Variants in G2E3 observed in about 807,000 individuals in gnomAD.
G2E3 encodes the protein G2/M-phase specific E3 ubiquitin protein ligase, also known as G2/M phase-specific E3 ubiquitin-protein ligase.
G2E3 carries 35 observed loss-of-function variants against 92.8 expected under a neutral mutation model. The observed-to-expected ratio is 0.38, with a 90% CI of 0.29 to 0.50. The LOEUF (loss-of-function observed/expected upper bound fraction) is 0.50, where lower values mean the gene tolerates loss of function less well. G2E3 is among the 20% of genes least tolerant of loss of function. The pLI is 0.94. For missense variants in G2E3, 554 were observed against 823.8 expected (o/e 0.67, Z 4.01); for synonymous variants, 242 against 272.4 (o/e 0.89, Z 1.10).
At chr14:30,581,544 T>C (rs1345916465) in intron 2 of G2E3, among the ~76,000 whole-genome samples, 1 of 152,062 alleles carries the variant, frequency 6.6e-6, no homozygotes. Context: ...TCATCTCTGC[T>C]AAAAATACAA....
chr14:30,592,620 A>C (rs779217017), intron 5 of G2E3, among the ~76,000 whole-genome samples, 173 bp downstream of exon 5: 13 of 148,664 alleles, frequency 8.7e-5, no homozygotes, highest in South Asian at 8.7e-4. Context: ...CTATGTGCCA[A>C]GTCTTGAGAA....
At chr14:30,603,212 G>A (rs1881660472) in intron 10 of G2E3, among the ~76,000 whole-genome samples, 1 of 151,892 alleles carries the variant, frequency 6.6e-6, no homozygotes, top group Admixed American at 6.6e-5. Context: ...TGTAGTCCCA[G>A]CTACTTGGGA....
chr14:30,602,065 T>C lies in G2E3; in HGVS notation c.944T>C (p.Leu315Ser). Residue 315 changes from leucine to serine, a missense_variant, in exon 10 of 15, where the codon TTG (leucine) becomes TCG (serine). Physicochemically the swap from Leu to Ser is moderately radical, Grantham distance 145 (BLOSUM62 -2). This residue lies in a region of G2E3 where 397 missense variants were observed against 560.3 expected (regional missense o/e 0.71). Transcript: ENST00000206595. ...NSNNVGITDC[L>S]LEESSPKLPR... is the part of the protein sequence containing the mutation. Reference sequence around the variant, plus strand: ...AATAATGTGGGGATTACAGATTGTTTGTTGGAAGAGTCATCACCTAAATTA... The same window carrying C: ...AATAATGTGGGGATTACAGATTGTTCGTTGGAAGAGTCATCACCTAAATTA... 2 of 1,611,580 alleles carry C rather than the reference T, an allele frequency of 1.2e-6. No individual in the cohort carries two copies. Among genetic ancestry groups the C allele is most frequent in the Non-Finnish European group, 1.7e-6 (2 of 1,177,814 alleles).
intron 11 of G2E3, 87 bp from the exon 12 acceptor site, chr14:30,607,801 A>C: frequency 3.1e-6 from 2 of 647,312 alleles, no homozygotes; most frequent in Non-Finnish European, 5.1e-6. Context: ...TAATGCTTAG[A>C]TTTTTGGACT....
chr14:30,570,728 A>G (rs1223490237), intron 1 of G2E3, among the ~76,000 whole-genome samples: 1 of 151,938 alleles, frequency 6.6e-6, no homozygotes, highest in Non-Finnish European at 1.5e-5. Flanking sequence ...ATTTGTTGAG[A>G]CATTGTTGAT....
intron 10 of G2E3, among the ~76,000 whole-genome samples, chr14:30,603,315 G>T (rs947944984): frequency 7.0e-6 from 1 of 142,474 alleles, no homozygotes; most frequent in African/African-American, 2.6e-5. Flanking sequence ...ACAGAGCCGA[G>T]ACTCTGTCTC....
intron 3 of G2E3, among the ~76,000 whole-genome samples, chr14:30,587,363 C>T (rs192674481): frequency 1.4e-3 from 212 of 152,276 alleles, no homozygotes; most frequent in African/African-American, 4.8e-3. Flanking sequence ...ACCAATTTCT[C>T]ACCTCACTGA....
chr14:30,597,217 CT>C (rs1269373614), intron 6 of G2E3, among the ~76,000 whole-genome samples: 5 of 150,706 alleles, frequency 3.3e-5, no homozygotes, highest in Admixed American at 6.6e-5. Flanking sequence ...TATTAATTAG[CT>C]TTTTTTTTAA....
At chr14:30,594,868 C>T (rs1051024313) in intron 6 of G2E3, among the ~76,000 whole-genome samples, 2 of 150,258 alleles carry the variant, frequency 1.3e-5, no homozygotes, top group Non-Finnish European at 3.0e-5. Flanking sequence ...GTGGCTCATG[C>T]CTGTAATCCC....
intron 1 of G2E3, among the ~76,000 whole-genome samples, chr14:30,572,469 C>T (rs1028397183): frequency 6.6e-6 from 1 of 152,110 alleles, no homozygotes; most frequent in African/African-American, 2.4e-5. Context: ...CATTGTGTCA[C>T]AGTACAGTGT....
chr14:30,569,781 C>T (rs1051845499), intron 1 of G2E3, among the ~76,000 whole-genome samples: 1 of 152,062 alleles, frequency 6.6e-6, no homozygotes, highest in Non-Finnish European at 1.5e-5. Context: ...TAATCCAATC[C>T]AAGGAGATTT....
At chr14:30,574,297 A>C (rs927985476) in intron 1 of G2E3, among the ~76,000 whole-genome samples, 1 of 152,146 alleles carries the variant, frequency 6.6e-6, no homozygotes, top group African/African-American at 2.4e-5. Flanking sequence ...ACTTTCAACT[A>C]AATATTGTTT....
chr14:30,563,585 T>C (rs989944900), intron 1 of G2E3, among the ~76,000 whole-genome samples: 2 of 151,946 alleles, frequency 1.3e-5, no homozygotes, highest in African/African-American at 4.8e-5. Flanking sequence ...AAAATGGACA[T>C]ATGGAGCCAA....
chr14:30,611,289 G>C (rs781395614), intron 12 of G2E3: 1 of 152,174 alleles, frequency 6.6e-6, no homozygotes, highest in African/African-American at 2.4e-5. Flanking sequence ...TTATTACTCC[G>C]ACAGGGTGTA....
At chr14:30,608,330 G>A (rs1172584468) in intron 12 of G2E3, among the ~76,000 whole-genome samples, 1 of 152,160 alleles carries the variant, frequency 6.6e-6, no homozygotes, top group Non-Finnish European at 1.5e-5. Flanking sequence ...CATGGCTTGT[G>A]AATACTCCTC....
intron 6 of G2E3, 44 bp from the exon 7 acceptor site, chr14:30,597,376 C>A: frequency 1.1e-6 from 1 of 935,622 alleles, no homozygotes. Flanking sequence ...CACCTGATAA[C>A]AGATTTAAAT....
intron 1 of G2E3, among the ~76,000 whole-genome samples, chr14:30,578,056 AAAAG>A (rs1368002168): frequency 2.0e-5 from 3 of 152,248 alleles, no homozygotes; most frequent in Admixed American, 2.0e-4. Flanking sequence ...GAAAACATCT[AAAAG>A]AAATTATGAA....
At position 30,598,590 on chromosome 14, in the gene G2E3, C is replaced by T. The variant is rs748765355; in HGVS notation, c.743C>T (p.Ala248Val). ...CRCKEGRDYNAPDSKWEIKRC... is the reference protein window; with the variant it reads ...CRCKEGRDYNVPDSKWEIKRC... ...TGCAAAGAAGGGCGAGACTATAATG[C>T]ACCTGATAGGTATTTCTGAAAGTTC... The change falls in exon 8 of 15, where the codon GCA becomes GTA. Residue 248 changes from alanine to valine, a missense_variant. Around this residue, in one of 3 missense-constraint regions of G2E3, gnomAD observed 397 missense variants for 560.3 expected, o/e 0.71. Coordinates refer to ENST00000206595, the MANE Select transcript of G2E3 (RefSeq NM_017769.5). 3.8e-6 allele frequency: 6 copies of T among 1,588,872 alleles called. No individual in the cohort carries two copies. In the East Asian group the frequency reaches 1.1e-4, roughly 30 times the overall value.
chr14:30,577,809 A>G (rs937753142), intron 1 of G2E3: 2 of 152,226 alleles, frequency 1.3e-5, no homozygotes, highest in East Asian at 1.9e-4. Flanking sequence ...TTTTGAAGGA[A>G]GAAGTATGAA....
Sources: gnomAD v4.1 joint callset for allele counts (sites outside exome capture counted in the v4.1 genomes callset) on GRCh38, gnomAD v4.1.1 for gene constraint, gnomAD v4.1.1 regional missense constraint, MANE v1.5 for transcripts, NCBI Gene and HGNC (gene_info 2026-07-23, HGNC 2026-07-21) for gene names.